NAV3: variants seen among roughly 807,000 people sequenced by gnomAD.
The protein encoded by NAV3 is neuron navigator 3.
A neutral mutation model predicts 244.7 loss-of-function variants in NAV3; 87 were observed. The ratio of observed to expected loss-of-function variants is 0.36; its 90% CI spans 0.30 to 0.42. NAV3 has a LOEUF of 0.42. NAV3 is among the 20% of genes least tolerant of loss of function. The pLI is 1.00. For synonymous variants in NAV3, 1,126 were observed against 1,042.2 expected (o/e 1.08, Z -1.55); for missense variants, 2,663 against 2,893.3 (o/e 0.92, Z 1.83).
chr12:77,793,467 C>T (rs1293988939), intron 2 of NAV3, among the ~76,000 whole-genome samples: 1 of 152,142 alleles, frequency 6.6e-6, no homozygotes, highest in Admixed American at 6.6e-5. Flanking sequence ...TGCTTTCCCT[C>T]CACTTGCCCC....
chr12:77,875,095 T>G (rs933419172), intron 1 of NAV3, among the ~76,000 whole-genome samples: 6 of 152,124 alleles, frequency 3.9e-5, no homozygotes, highest in Non-Finnish European at 8.8e-5. Flanking sequence ...TTTCTGAACA[T>G]TTACTTGCTT....
chr12:78,055,156 G>T (rs1040663583), intron 11 of NAV3, among the ~76,000 whole-genome samples: 2 of 152,116 alleles, frequency 1.3e-5, no homozygotes, highest in Admixed American at 1.3e-4. Flanking sequence ...GCCCACATGT[G>T]ACTCACATGA....
intron 2 of NAV3, among the ~76,000 whole-genome samples, chr12:77,700,273 G>C (rs1188675613): frequency 6.6e-6 from 1 of 152,118 alleles, no homozygotes; most frequent in African/African-American, 2.4e-5. Flanking sequence ...GGAGTTGGAA[G>C]GGATCTGCAC....
intron 34 of NAV3, among the ~76,000 whole-genome samples, chr12:78,194,801 A>G (rs140483147): frequency 5.3e-5 from 8 of 152,108 alleles, no homozygotes; most frequent in Admixed American, 2.6e-4. Context: ...CTGACTGGTT[A>G]TTCTTCTCTA....
intron 12 of NAV3, among the ~76,000 whole-genome samples, chr12:78,084,799 A>G (rs1953544969): frequency 6.6e-6 from 1 of 152,126 alleles, no homozygotes; most frequent in Admixed American, 6.6e-5. Flanking sequence ...TATAAAATCG[A>G]TGTTGCTAAA....
Position 78,012,917 on chromosome 12 carries a change from G to A in NAV3, c.1907+5472G>A, listed in dbSNP as rs1276371971. Among the ~76,000 whole-genome samples the A allele has an allele frequency of 4.6e-5, 7 of 152,004 alleles. No homozygotes were observed. In the East Asian group the frequency reaches 1.3e-3, roughly 29 times the overall value. ...TTTAGTAGCATAATTGCCCAGTACA[G>A]AGGCCACCTACAGTAGATACCAAAT... On this transcript the variant is annotated intron_variant, in intron 8 of 39. Transcript: ENST00000397909.
intron 39 of NAV3, among the ~76,000 whole-genome samples, chr12:78,207,898 G>GGA (rs1960486650): frequency 6.6e-6 from 1 of 152,162 alleles, no homozygotes; most frequent in African/African-American, 2.4e-5. Context: ...ACAGACTGAA[G>GGA]GAGATAGGAT....
chr12:77,595,281 A>G lies in NAV3; in HGVS notation c.72+23015A>G, dbSNP rs1012601505. On this transcript the variant is annotated intron_variant, in intron 2 of 8. Coordinates refer to the NAV3 transcript ENST00000550042. ...CTGGATGAACATTATGCTAAGTGCA[A>G]TAAGCCAAACAGAGAAAGACAAATA... 6.6e-5 allele frequency among the ~76,000 whole-genome samples: 10 copies of G among 152,336 alleles called. No homozygotes were observed. In the East Asian group the frequency reaches 7.7e-4, roughly 12 times the overall value.
rs1445781015 is a variant in NAV3 at position 78,120,364 on chromosome 12, T to C, written c.3749+419T>C. The stretch of plus-strand genomic sequence containing the variant: ...GCATTCATTTCCAGTGTCATTTTCT[T>C]GCTGGCTCTTAATGAGTTGGTGATC... On this transcript the variant is annotated intron_variant, in intron 15 of 39. Transcript: ENST00000397909. 2.0e-5 allele frequency among the ~76,000 whole-genome samples: 3 copies of C among 152,230 alleles called. 1 individual carries two copies. Among genetic ancestry groups the C allele is most frequent in the South Asian group, 4.1e-4 (2 of 4,834 alleles).
intron 1 of NAV3, among the ~76,000 whole-genome samples, chr12:77,857,212 C>A (rs769797030): frequency 6.6e-6 from 1 of 152,118 alleles, no homozygotes; most frequent in Non-Finnish European, 1.5e-5. Context: ...TCTCTGAGCT[C>A]CAGCTTCTTT....
intron 12 of NAV3, among the ~76,000 whole-genome samples, chr12:78,075,717 G>C (rs1440337858): frequency 1.3e-5 from 2 of 152,190 alleles, no homozygotes; most frequent in Non-Finnish European, 2.9e-5. Context: ...CTAATCCACA[G>C]TCATCAGTTT....
At chr12:77,970,234 G>A (rs1405748790) in intron 5 of NAV3, among the ~76,000 whole-genome samples, 1 of 152,028 alleles carries the variant, frequency 6.6e-6, no homozygotes, top group Non-Finnish European at 1.5e-5. Flanking sequence ...ATTTAACTTT[G>A]TCCACCTTAG....
chr12:77,586,087 G>A (rs546105017), intron 2 of NAV3, among the ~76,000 whole-genome samples: 59 of 152,142 alleles, frequency 3.9e-4, no homozygotes, highest in South Asian at 1.2e-3. Context: ...GCGTGAACCC[G>A]GGAGGCGGAG....
In NAV3 at chr12:78,119,904, A is replaced by T. The variant is rs529842604; in HGVS notation, c.3708A>T (p.Pro1236=). The T allele has an allele frequency of 1.0e-4, 163 of 1,614,134 alleles. 1 individual carries two copies. The East Asian group carries it at 2.9e-3, about 28-fold the overall frequency. Residue 1236 remains proline, a synonymous_variant, in exon 15 of 40, where the codon CCA becomes CCT. Transcript: ENST00000397909. ...GTGGTGCACAAGGTCTCAGGCAGCC[A>T]GGATCCAAGTATCCAGATATTGCCT... The part of the protein sequence containing the change: ...SACGAQGLRQ[P]GSKYPDIASP...
chr12:77,892,549 G>A (rs2448229), intron 1 of NAV3, among the ~76,000 whole-genome samples: 13,697 of 152,006 alleles, frequency 0.09, 821 homozygotes, highest in East Asian at 0.2. Context: ...CTGAGTAGCT[G>A]GGACTACAGG....
At chr12:78,031,137 T>C (rs562659364) in intron 9 of NAV3, among the ~76,000 whole-genome samples, 3 of 152,244 alleles carry the variant, frequency 2.0e-5, no homozygotes, top group African/African-American at 7.2e-5. Flanking sequence ...CTTTATAAAT[T>C]TGTGAAGTCT....
chr12:77,989,853 G>A (rs1282679374), intron 5 of NAV3, among the ~76,000 whole-genome samples: 2 of 152,052 alleles, frequency 1.3e-5, no homozygotes, highest in Non-Finnish European at 2.9e-5. Flanking sequence ...AATAAGAATA[G>A]TTCTTATTCT....
intron 2 of NAV3, among the ~76,000 whole-genome samples, chr12:77,620,870 T>C (rs117869536): frequency 0.011 from 1,631 of 152,244 alleles, 12 homozygotes; most frequent in Middle Eastern, 0.027. Context: ...AGTTGAAAAT[T>C]TGGCAAGTTA....
chr12:77,755,186 C>T (rs1452616832), intron 2 of NAV3, among the ~76,000 whole-genome samples: 3 of 152,034 alleles, frequency 2.0e-5, no homozygotes, highest in African/African-American at 7.2e-5. Flanking sequence ...CTTATGCTTA[C>T]TGTTTTTTTA....
Sources: allele counts gnomAD v4.1 joint callset (sites outside exome capture counted in the v4.1 genomes callset), GRCh38; gene constraint gnomAD v4.1.1; transcripts MANE v1.5; gene names NCBI Gene and HGNC (gene_info 2026-07-23, HGNC 2026-07-21).